The following TENM3 variants were observed in gnomAD, a reference collection of about 807,000 sequenced individuals.
TENM3 encodes the protein teneurin-3.
A neutral mutation model predicts 255.1 loss-of-function variants in TENM3; 63 were observed. That is an observed-to-expected ratio of 0.25 (90% CI 0.20 to 0.30). The LOEUF is 0.30. Among genes scored for constraint, TENM3 ranks in the 10% least tolerant of loss-of-function variants. TENM3 has a pLI of 1.00. For synonymous variants in TENM3, 1,306 were observed against 1,322.3 expected (o/e 0.99, Z 0.27); for missense variants, 2,929 against 3,461.1 (o/e 0.85, Z 3.86).
At chr4:182,609,484 T>C (rs1748778028) in intron 4 of TENM3, among the ~76,000 whole-genome samples, 1 of 152,210 alleles carries the variant, frequency 6.6e-6, no homozygotes, top group Non-Finnish European at 1.5e-5. Flanking sequence ...AAGATTAAAT[T>C]CTTGGACATG....
the TENM3 span, among the ~76,000 whole-genome samples, chr4:182,076,340 A>T: frequency 6.6e-6 from 1 of 151,056 alleles, no homozygotes; most frequent in Non-Finnish European, 1.5e-5. Flanking sequence ...AGTAGCTGGG[A>T]TTACAGGTGC....
chr4:182,286,568 G>A (rs75941005), intron 1 of TENM3, among the ~76,000 whole-genome samples: 3,750 of 152,288 alleles, frequency 0.025, 73 homozygotes, highest in Non-Finnish European at 0.041. Context: ...GCAGAAGGTT[G>A]TGGGTGGTGA....
the TENM3 span, among the ~76,000 whole-genome samples, chr4:181,834,668 G>A: frequency 5.3e-5 from 8 of 152,286 alleles, no homozygotes; most frequent in Middle Eastern, 3.4e-3. Context: ...CCTGTCATGC[G>A]TTCGTACACC....
the TENM3 span, among the ~76,000 whole-genome samples, chr4:182,105,496 A>T: frequency 6.6e-6 from 1 of 152,296 alleles, no homozygotes; most frequent in East Asian, 1.9e-4. Context: ...CACAGAGCTC[A>T]CTGAAACTGT....
intron 6 of TENM3, among the ~76,000 whole-genome samples, chr4:182,662,193 TAAC>T (rs1754282351): frequency 6.6e-6 from 1 of 152,202 alleles, no homozygotes; most frequent in Admixed American, 6.5e-5. Context: ...AGGAGAGGAA[TAAC>T]AATAGCTTTG....
At chr4:181,613,565 T>C in the TENM3 span, among the ~76,000 whole-genome samples, 1 of 152,220 alleles carries the variant, frequency 6.6e-6, no homozygotes, top group Non-Finnish European at 1.5e-5. Flanking sequence ...GACTATTGGG[T>C]GTAAGCCCAG....
chr4:181,934,834 C>A, the TENM3 span, among the ~76,000 whole-genome samples: 16 of 152,060 alleles, frequency 1.1e-4, no homozygotes, highest in Non-Finnish European at 2.1e-4. Flanking sequence ...CATTTTAATT[C>A]ACATTTATTC....
At chr4:181,676,742 T>G in the TENM3 span, among the ~76,000 whole-genome samples, 1 of 152,142 alleles carries the variant, frequency 6.6e-6, no homozygotes, top group Non-Finnish European at 1.5e-5. Flanking sequence ...TAAGCTATGC[T>G]CTATTAGTCA....
At chr4:182,729,303 T>C in intron 14 of TENM3, 122 bp downstream of exon 14, 1 of 836,690 alleles carries the variant, frequency 1.2e-6, no homozygotes, top group Non-Finnish European at 1.8e-6. Flanking sequence ...CAGTTTTTCC[T>C]CTTTCTGCAG....
At chr4:181,536,622 A>T in the TENM3 span, among the ~76,000 whole-genome samples, 1 of 152,346 alleles carries the variant, frequency 6.6e-6, no homozygotes, top group South Asian at 2.1e-4. Flanking sequence ...GGAAGTGGTC[A>T]ATTTCTTTAT....
chr4:181,570,029 ATGTTTCTTTTT>A, the TENM3 span, among the ~76,000 whole-genome samples: 25 of 145,828 alleles, frequency 1.7e-4, no homozygotes, highest in African/African-American at 6.4e-4. Flanking sequence ...ATCCCTACAA[ATGTTTCTTTTT>A]TTTTTTTTTT....
At chr4:181,815,184 G>C in the TENM3 span, among the ~76,000 whole-genome samples, 2 of 151,970 alleles carry the variant, frequency 1.3e-5, no homozygotes, top group Non-Finnish European at 2.9e-5. Context: ...AGGCATGGTG[G>C]CTCACACCTG....
intron 3 of TENM3, among the ~76,000 whole-genome samples, chr4:182,415,206 C>T (rs963737716): frequency 2.0e-5 from 3 of 152,196 alleles, no homozygotes; most frequent in Admixed American, 6.5e-5. Flanking sequence ...CTGACCACAG[C>T]GGTTTTCAAG....
intron 6 of TENM3, among the ~76,000 whole-genome samples, chr4:182,663,576 A>G (rs898517129): frequency 6.6e-6 from 1 of 152,210 alleles, no homozygotes; most frequent in Admixed American, 6.5e-5. Context: ...GTATATTCAT[A>G]GATGAATATA....
the TENM3 span, among the ~76,000 whole-genome samples, chr4:181,622,671 G>A: frequency 2.0e-5 from 3 of 152,184 alleles, no homozygotes; most frequent in Non-Finnish European, 2.9e-5. Flanking sequence ...GCAAGACTCC[G>A]TCTCAAAAAT....
intron 12 of TENM3, among the ~76,000 whole-genome samples, chr4:182,710,324 T>C (rs1356527356): frequency 6.6e-6 from 1 of 152,182 alleles, no homozygotes; most frequent in African/African-American, 2.4e-5. Context: ...GTATATAGCA[T>C]GGAGAAGGAA....
chr4:181,678,182 A>G, the TENM3 span, among the ~76,000 whole-genome samples: 1 of 152,154 alleles, frequency 6.6e-6, no homozygotes, highest in South Asian at 2.1e-4. Context: ...AGGAAAGATG[A>G]AAAATCACTG....
At chr4:182,231,383 AG>A (rs891736220) in intron 1 of TENM3, among the ~76,000 whole-genome samples, 3 of 152,108 alleles carry the variant, frequency 2.0e-5, no homozygotes, top group Admixed American at 6.5e-5. Flanking sequence ...GAACGCGTAG[AG>A]GTATTTATCT....
intron 13 of TENM3, among the ~76,000 whole-genome samples, chr4:182,722,188 T>C (rs192310389): frequency 6.1e-4 from 93 of 152,296 alleles, no homozygotes; most frequent in Non-Finnish European, 7.1e-4. Context: ...TATAATTCCA[T>C]GGATTGCTTA....
Sources: gnomAD v4.1 joint callset for allele counts (sites outside exome capture counted in the v4.1 genomes callset) on GRCh38, gnomAD v4.1.1 for gene constraint, MANE v1.5 for transcripts, NCBI Gene and HGNC (gene_info 2026-07-23, HGNC 2026-07-21) for gene names.